Variants in SMIM41 observed in about 807,000 individuals in gnomAD.
SMIM41 encodes small integral membrane protein 41.
chr12:52,097,934 T>A (rs1940129086), intron 2 of SMIM41, among the ~76,000 whole-genome samples: 1 of 151,732 alleles, frequency 6.6e-6, no homozygotes, highest in African/African-American at 2.4e-5. Context: ...TTCGAAGGAA[T>A]GTTATCCTCT....
At position 52,079,714 on chromosome 12, in the gene SMIM41, C is replaced by G; in HGVS notation, c.-66C>G. 2.6e-6 allele frequency: 1 copy of G among 389,498 alleles called. No homozygotes were observed. 24.1% of individuals were successfully genotyped at this position (389,498 alleles called of 1,614,324 possible). ...TCCCTCCCCGACGCAGCCGCCGGCC[C>G]GCCCGCCAGTCTGGGCTCCTGCACA... is the stretch of plus-strand genomic sequence containing the variant. On this transcript the variant is annotated 5_prime_UTR_variant, in exon 1 of 3. Transcript: ENST00000546390.
At chr12:52,102,947 A>G (rs1002330704) in intron 2 of SMIM41, among the ~76,000 whole-genome samples, 1 of 152,234 alleles carries the variant, frequency 6.6e-6, no homozygotes, top group Non-Finnish European at 1.5e-5. Context: ...CAAAATGGGG[A>G]AGCAACCCAA....
chr12:52,100,752 C>T (rs1022785208), intron 2 of SMIM41, among the ~76,000 whole-genome samples: 13 of 150,928 alleles, frequency 8.6e-5, no homozygotes, highest in South Asian at 2.1e-4. Flanking sequence ...GGATTACAGG[C>T]GTGAGTGACC....
intron 2 of SMIM41, 171 bp from the exon 3 acceptor site, chr12:52,107,208 C>T (rs1015473505): frequency 5.5e-6 from 2 of 365,856 alleles, no homozygotes; most frequent in African/African-American, 4.3e-5. Context: ...GTGTGGATTG[C>T]TCTGGAATCT....
At chr12:52,107,199 T>C in intron 2 of SMIM41, 180 bp from the exon 3 acceptor site, 2 of 360,796 alleles carry the variant, frequency 5.5e-6, no homozygotes, top group East Asian at 7.2e-5. Flanking sequence ...TATTCCTGAG[T>C]GTGGATTGCT....
At chr12:52,095,093 G>A (rs1319094353) in intron 2 of SMIM41, among the ~76,000 whole-genome samples, 46 of 151,734 alleles carry the variant, frequency 3.0e-4, no homozygotes, top group Non-Finnish European at 1.3e-4. Context: ...CTACAGGCAT[G>A]TGCCATCACA....
intron 2 of SMIM41, among the ~76,000 whole-genome samples, chr12:52,090,503 A>G (rs1939981179): frequency 6.6e-6 from 1 of 152,126 alleles, no homozygotes; most frequent in Non-Finnish European, 1.5e-5. Flanking sequence ...GAAGGAGCGC[A>G]CCTGCTGTGG....
chr12:52,082,855 C>G (rs749456866), intron 1 of SMIM41, among the ~76,000 whole-genome samples: 1 of 152,208 alleles, frequency 6.6e-6, no homozygotes, highest in Non-Finnish European at 1.5e-5. Context: ...GCTCTCTCTA[C>G]AGATTCCTGA....
At chr12:52,095,911 T>A (rs553704970) in intron 2 of SMIM41, among the ~76,000 whole-genome samples, 77 of 152,018 alleles carry the variant, frequency 5.1e-4, no homozygotes, top group African/African-American at 1.8e-3. Flanking sequence ...TCACACGGGT[T>A]TGTACACTTT....
intron 2 of SMIM41, among the ~76,000 whole-genome samples, chr12:52,101,496 G>C (rs1940216151): frequency 6.6e-6 from 1 of 152,190 alleles, no homozygotes; most frequent in Admixed American, 6.5e-5. Flanking sequence ...AGGAAGAAAA[G>C]GGGTGGGATG....
At chr12:52,106,724 G>T (rs1301342037) in intron 2 of SMIM41, among the ~76,000 whole-genome samples, 1 of 152,182 alleles carries the variant, frequency 6.6e-6, no homozygotes, top group Non-Finnish European at 1.5e-5. Context: ...AAGACCCACC[G>T]ATTTGAGTAA....
Position 52,107,425 on chromosome 12 carries a change from C to T in SMIM41, c.*242C>T. 1.7e-6 allele frequency: 1 copy of T among 578,670 alleles called. No homozygotes were observed. Among genetic ancestry groups the T allele is most frequent in the Non-Finnish European group, 3.4e-6 (1 of 292,494 alleles). 35.8% of individuals were successfully genotyped at this position (578,670 alleles called of 1,614,324 possible). On this transcript the variant is annotated 3_prime_UTR_variant, in exon 3 of 3. Coordinates refer to ENST00000546390, the MANE Select transcript of SMIM41 (RefSeq NM_001369216.1). Reference sequence around the variant, plus strand: ...GCAGCTGGTCCTTGCTGGACTGTTCCTGTCCATGTGCCTGGTCATGGTGCT... The same window carrying T: ...GCAGCTGGTCCTTGCTGGACTGTTCTTGTCCATGTGCCTGGTCATGGTGCT...
Position 52,081,384 on chromosome 12 carries a change from C to T in SMIM41, c.*120+1203C>T, listed in dbSNP as rs1233882040. On this transcript the variant is annotated intron_variant, in intron 1 of 2. Transcript: ENST00000546390. The surrounding 1 kb of genome is among the most constrained non-coding windows in gnomAD (Gnocchi z 4.1). ...GGCAGCGGGAGGGTGTGGGCAGGTG[C>T]AGCTAAGCAGCTGCGAAGCTAACGA... 1.3e-5 allele frequency among the ~76,000 whole-genome samples: 2 copies of T among 152,050 alleles called. No individual in the cohort carries two copies. Among genetic ancestry groups the T allele is most frequent in the African/African-American group, 2.4e-5 (1 of 41,386 alleles).
Position 52,098,514 on chromosome 12 carries a change from G to T in SMIM41, c.*196-8865G>T, listed in dbSNP as rs1294314678. Among the ~76,000 whole-genome samples, 5 of 113,044 alleles carry T rather than the reference G, an allele frequency of 4.4e-5. No individual in the cohort carries two copies. The East Asian group carries it at 6.0e-4, about 13-fold the overall frequency. The allele number at this position is 113,044 out of a possible 152,430, so 74.2% of individuals were successfully genotyped here. Reference sequence around the variant, plus strand: ...TGAATATTAAGAACAATATCGTGGGGGGGGGGGGACGTACACCCCGTTTGA... The same window carrying T: ...TGAATATTAAGAACAATATCGTGGGTGGGGGGGGACGTACACCCCGTTTGA... On this transcript the variant is annotated intron_variant, in intron 2 of 2. Transcript: ENST00000546390.
intron 2 of SMIM41, among the ~76,000 whole-genome samples, chr12:52,094,128 C>G: frequency 1.6e-5 from 1 of 62,392 alleles, no homozygotes; most frequent in Non-Finnish European, 3.2e-5. Flanking sequence ...AAGACTCCAT[C>G]TCCGGAAAAA....
intron 2 of SMIM41, chr12:52,084,898 C>A (rs180972269): frequency 5.9e-5 from 9 of 152,286 alleles, no homozygotes; most frequent in African/African-American, 1.7e-4. Context: ...CAAAACCCAA[C>A]AAAAATGATA....
chr12:52,097,226 TCCCGA>T (rs2120698927), intron 2 of SMIM41, among the ~76,000 whole-genome samples: 1 of 151,916 alleles, frequency 6.6e-6, no homozygotes, highest in East Asian at 1.9e-4. Flanking sequence ...GTGTATAGTA[TCCCGA>T]CCTGTGATAG....
In SMIM41 at chr12:52,107,915, C is replaced by A. The variant is rs770278598; in HGVS notation, c.*732C>A. ...CCCCATCTTGCCGTTGTGACACCTT[C>A]ATCAATAACATAATCATGTATTTCC... On this transcript the variant is annotated 3_prime_UTR_variant, in exon 3 of 3. Coordinates refer to ENST00000546390, the MANE Select transcript of SMIM41 (RefSeq NM_001369216.1). 1 of 288,376 alleles carries A rather than the reference C, an allele frequency of 3.5e-6. No individual in the cohort carries two copies. Among genetic ancestry groups the A allele is most frequent in the Non-Finnish European group, 6.8e-6 (1 of 148,136 alleles). 17.9% of individuals were successfully genotyped at this position (288,376 alleles called of 1,614,324 possible).
intron 2 of SMIM41, among the ~76,000 whole-genome samples, chr12:52,099,067 T>C (rs563696119): frequency 3.3e-5 from 5 of 151,720 alleles, no homozygotes; most frequent in African/African-American, 1.2e-4. Flanking sequence ...CCCTGCAATA[T>C]TGGGAGTAGT....
Sources: gnomAD v4.1 joint callset for allele counts (sites outside exome capture counted in the v4.1 genomes callset) on GRCh38, gnomAD v4.1.1 for gene constraint, Gnocchi (gnomAD v3.1) non-coding constraint, MANE v1.5 for transcripts, NCBI Gene and HGNC (gene_info 2026-07-23, HGNC 2026-07-21) for gene names.